The following PTPRT variants were observed in gnomAD, a reference collection of about 807,000 sequenced individuals.
PTPRT encodes the protein protein tyrosine phosphatase receptor type T.
A neutral mutation model predicts 176.8 loss-of-function variants in PTPRT; 56 were observed. That is an observed-to-expected ratio of 0.32 (90% CI 0.26 to 0.40). PTPRT has a LOEUF of 0.40. PTPRT is among the 10% of genes least tolerant of loss of function. The probability of loss-of-function intolerance (pLI) is 1.00; values close to 1 mark genes in which losing one functional copy is unlikely to be tolerated. For missense variants in PTPRT, 1,540 were observed against 1,908.2 expected (o/e 0.81, Z 3.60); for synonymous variants, 783 against 739.0 (o/e 1.06, Z -0.96).
intron 11 of PTPRT, among the ~76,000 whole-genome samples, chr20:42,319,486 C>T (rs1220182440): frequency 6.6e-6 from 1 of 152,046 alleles, no homozygotes; most frequent in Non-Finnish European, 1.5e-5. Context: ...CAAAATATAC[C>T]CAGCAACTCC....
At position 42,811,953 on chromosome 20, in the gene PTPRT, G is replaced by C. The variant is rs79503106; in HGVS notation, c.215-20487C>G. Among the ~76,000 whole-genome samples, 110 of 152,138 alleles carry C rather than the reference G, an allele frequency of 7.2e-4. 1 individual carries two copies. In the East Asian group the frequency reaches 0.02, roughly 28 times the overall value. Reference sequence around the variant, plus strand: ...TTTACTCTTGACAACCATGACTTGTGAGCTTTATATTCTATTATATTCTTG... The same window carrying C: ...TTTACTCTTGACAACCATGACTTGTCAGCTTTATATTCTATTATATTCTTG... On this transcript the variant is annotated intron_variant, in intron 2 of 30. Coordinates refer to ENST00000373187, the MANE Select transcript of PTPRT (RefSeq NM_007050.6).
intron 12 of PTPRT, among the ~76,000 whole-genome samples, chr20:42,300,367 A>G (rs77310105): frequency 7.2e-5 from 11 of 151,848 alleles, no homozygotes; most frequent in Non-Finnish European, 1.5e-4. Context: ...AATGATTCCC[A>G]CTCGTTCCCA....
At chr20:42,922,328 C>G (rs73910627) in intron 1 of PTPRT, among the ~76,000 whole-genome samples, 4,587 of 152,244 alleles carry the variant, frequency 0.03, 146 homozygotes, top group African/African-American at 0.082. Flanking sequence ...TGAATTTCTT[C>G]TCTTCTAAGT....
rs169630 is a variant in PTPRT at position 42,837,519 on chromosome 20, C to T, written c.215-46053G>A. ...TCAAAGTGGAGGGAAGGACCAATCT[C>T]GGGCCCCTGGATCCAGCCAGGTCTG... On this transcript the variant is annotated intron_variant, in intron 2 of 30. Coordinates refer to ENST00000373187, the MANE Select transcript of PTPRT (RefSeq NM_007050.6). Among the ~76,000 whole-genome samples, 334 of 152,316 alleles carry T rather than the reference C, an allele frequency of 2.2e-3. 3 individuals carry two copies. Among genetic ancestry groups the T allele is most frequent in the African/African-American group, 7.7e-3 (320 of 41,576 alleles).
chr20:42,236,471 C>A (rs1364579138), intron 14 of PTPRT, among the ~76,000 whole-genome samples: 1 of 152,284 alleles, frequency 6.6e-6, no homozygotes, highest in East Asian at 1.9e-4. Flanking sequence ...ACAAGAGAGA[C>A]CTCTTCTATA....
chr20:42,687,868 C>T (rs775410615), intron 6 of PTPRT: 2 of 152,230 alleles, frequency 1.3e-5, no homozygotes, highest in Admixed American at 6.5e-5. Flanking sequence ...GGACAAATAA[C>T]ATTCTCATAA....
chr20:42,399,022 C>G (rs960184961), intron 9 of PTPRT, among the ~76,000 whole-genome samples: 1 of 152,210 alleles, frequency 6.6e-6, no homozygotes, highest in African/African-American at 2.4e-5. Context: ...AGTTTCTTCA[C>G]AGAAAGGTGG....
chr20:42,108,049 T>C (rs1986636340), intron 23 of PTPRT, among the ~76,000 whole-genome samples: 1 of 151,494 alleles, frequency 6.6e-6, no homozygotes, highest in Admixed American at 6.6e-5. Flanking sequence ...ATAGGGGGGG[T>C]CACTCGTGTT....
intron 1 of PTPRT, among the ~76,000 whole-genome samples, chr20:43,186,268 T>G (rs1478823732): frequency 1.3e-5 from 2 of 152,250 alleles, no homozygotes; most frequent in Non-Finnish European, 2.9e-5. Context: ...GGATTTAAAC[T>G]GAGGACTTCA....
At chr20:42,185,140 T>C (rs1990723832) in intron 16 of PTPRT, among the ~76,000 whole-genome samples, 2 of 152,124 alleles carry the variant, frequency 1.3e-5, no homozygotes, top group Admixed American at 6.6e-5. Flanking sequence ...AAGCCAGGTA[T>C]CCATGACCAC....
chr20:42,302,018 A>G (rs1260176567), intron 12 of PTPRT, among the ~76,000 whole-genome samples: 1 of 150,396 alleles, frequency 6.6e-6, no homozygotes, highest in Non-Finnish European at 1.5e-5. Context: ...TGTCATCAAT[A>G]AAAAATTGAG....
At chr20:43,039,985 G>A (rs569786048) in intron 1 of PTPRT, among the ~76,000 whole-genome samples, 1 of 152,120 alleles carries the variant, frequency 6.6e-6, no homozygotes, top group South Asian at 2.1e-4. Flanking sequence ...AGGTTGCAAT[G>A]AGCCGAGATA....
chr20:42,257,165 AG>A (rs1568714525), intron 13 of PTPRT, among the ~76,000 whole-genome samples: 1 of 152,074 alleles, frequency 6.6e-6, no homozygotes, highest in African/African-American at 2.4e-5. Flanking sequence ...GCCACTTTCG[AG>A]GGGTGTGTGG....
chr20:42,445,990 A>G (rs184068696), intron 9 of PTPRT, among the ~76,000 whole-genome samples: 2 of 152,302 alleles, frequency 1.3e-5, no homozygotes, highest in Admixed American at 1.3e-4. Context: ...TCTTCTTGTC[A>G]TGGAATTTTA....
chr20:42,412,248 C>T (rs1222848194), intron 9 of PTPRT, among the ~76,000 whole-genome samples: 1 of 152,100 alleles, frequency 6.6e-6, no homozygotes, highest in Non-Finnish European at 1.5e-5. Flanking sequence ...TATAGGCAAG[C>T]AGTTTGAACA....
intron 7 of PTPRT, among the ~76,000 whole-genome samples, chr20:42,532,767 C>T (rs1042105552): frequency 3.3e-5 from 5 of 152,252 alleles, no homozygotes; most frequent in Middle Eastern, 3.4e-3. Context: ...ATCTCTCCCA[C>T]GACCCTGGGA....
At chr20:42,084,986 C>T (rs2146112669) in intron 28 of PTPRT, 141 bp from the exon 29 acceptor site, 1 of 605,170 alleles carries the variant, frequency 1.7e-6, no homozygotes, top group Non-Finnish European at 2.4e-6. Flanking sequence ...GGAGAGTCCC[C>T]ATGACTACTT....
At chr20:42,439,080 G>A (rs769955348) in intron 9 of PTPRT, among the ~76,000 whole-genome samples, 9 of 152,148 alleles carry the variant, frequency 5.9e-5, no homozygotes, top group Non-Finnish European at 1.2e-4. Context: ...CTGTCAGCCC[G>A]AATGACCTGT....
chr20:42,295,158 A>C (rs1434180292), intron 12 of PTPRT, among the ~76,000 whole-genome samples: 2 of 152,182 alleles, frequency 1.3e-5, no homozygotes, highest in Non-Finnish European at 2.9e-5. Flanking sequence ...ACCTGAAAAG[A>C]TCAACTCCAA....
Sources: gnomAD v4.1 joint callset for allele counts (sites outside exome capture counted in the v4.1 genomes callset) on GRCh38, gnomAD v4.1.1 for gene constraint, MANE v1.5 for transcripts, NCBI Gene and HGNC (gene_info 2026-07-23, HGNC 2026-07-21) for gene names.